The following CACNA1C variants were observed in gnomAD, a reference collection of about 807,000 sequenced individuals.
The protein encoded by CACNA1C is voltage-dependent L-type calcium channel subunit alpha-1C.
CACNA1C carries 30 observed loss-of-function variants against 229.0 expected under a neutral mutation model. That is an observed-to-expected ratio of 0.13 (90% CI 0.10 to 0.18). CACNA1C has a LOEUF of 0.18. Ranked by LOEUF, CACNA1C falls within the 10% of genes least tolerant of loss-of-function variation. The probability of loss-of-function intolerance (pLI) is 1.00; values close to 1 mark genes in which losing one functional copy is unlikely to be tolerated. For missense variants in CACNA1C, 1,658 were observed against 2,845.0 expected (o/e 0.58, Z 9.49); for synonymous variants, 1,114 against 1,132.5 (o/e 0.98, Z 0.33).
chr12:2,670,356 A>G (rs144876962), intron 38 of CACNA1C, among the ~76,000 whole-genome samples: 114 of 152,312 alleles, frequency 7.5e-4, no homozygotes, highest in African/African-American at 2.7e-3. Context: ...TGACATGAGT[A>G]TGAGCCATTT....
At chr12:2,102,799 G>T (rs1474470581) in intron 1 of CACNA1C, among the ~76,000 whole-genome samples, 2 of 152,120 alleles carry the variant, frequency 1.3e-5, no homozygotes, top group African/African-American at 4.8e-5. Context: ...TGTTCTCATT[G>T]TTCAACTGGC....
chr12:2,581,372 C>G (rs2153223443), intron 13 of CACNA1C, among the ~76,000 whole-genome samples: 1 of 152,278 alleles, frequency 6.6e-6, no homozygotes, highest in East Asian at 1.9e-4. Flanking sequence ...CCACTGTCCC[C>G]CTCTCTTCCC....
At chr12:2,293,533 A>T (rs376597546) in intron 3 of CACNA1C, among the ~76,000 whole-genome samples, 33 of 152,218 alleles carry the variant, frequency 2.2e-4, no homozygotes, top group African/African-American at 7.7e-4. Flanking sequence ...ACACAAATGC[A>T]TAAACTTTCA....
At chr12:2,281,883 C>G (rs1274668426) in intron 3 of CACNA1C, among the ~76,000 whole-genome samples, 4 of 151,986 alleles carry the variant, frequency 2.6e-5, no homozygotes, top group Admixed American at 2.6e-4. Flanking sequence ...GCTTCTCCCC[C>G]CATTCCTGTG....
intron 9 of CACNA1C, among the ~76,000 whole-genome samples, chr12:2,518,656 G>A (rs559887120): frequency 2.0e-5 from 3 of 151,720 alleles, no homozygotes; most frequent in Non-Finnish European, 2.9e-5. Context: ...TAGATCTCTC[G>A]ATACCTACAA....
chr12:2,049,981 A>G (rs2051838526), upstream of CACNA1C, among the ~76,000 whole-genome samples: 1 of 152,244 alleles, frequency 6.6e-6, no homozygotes, highest in South Asian at 2.1e-4. Flanking sequence ...AAGAGAAGTG[A>G]AAAATGAAAC....
At chr12:2,478,663 A>G (rs988279512) in intron 5 of CACNA1C, among the ~76,000 whole-genome samples, 1 of 152,162 alleles carries the variant, frequency 6.6e-6, no homozygotes, top group Non-Finnish European at 1.5e-5. Context: ...ACTTTATGGG[A>G]TAGGTAAACG....
chr12:2,516,136 T>G (rs2099796317), intron 9 of CACNA1C, among the ~76,000 whole-genome samples: 1 of 152,056 alleles, frequency 6.6e-6, no homozygotes, highest in African/African-American at 2.4e-5. Context: ...GAGGCAGCAT[T>G]GGAATAAAGA....
chr12:2,490,735 C>T (rs1361717885), intron 6 of CACNA1C, among the ~76,000 whole-genome samples: 2 of 152,226 alleles, frequency 1.3e-5, no homozygotes, highest in African/African-American at 4.8e-5. Flanking sequence ...AAAGATTTCA[C>T]ATTTTTAAAA....
At position 2,453,314 on chromosome 12, in the gene CACNA1C, C is replaced by T. The variant is rs543832265; in HGVS notation, c.617+4199C>T. On this transcript the variant is annotated intron_variant, in intron 4 of 46. Coordinates refer to ENST00000399655, the MANE Select transcript of CACNA1C (RefSeq NM_000719.7). ...CAGCTGCAGCTTCCCATTTCTAGATCCAGATACCTGGGGCATAAGTCACTT... is the reference window on the plus strand; with the variant it reads ...CAGCTGCAGCTTCCCATTTCTAGATTCAGATACCTGGGGCATAAGTCACTT... Among the ~76,000 whole-genome samples, 9 of 152,262 alleles carry T rather than the reference C, an allele frequency of 5.9e-5. No individual in the cohort carries two copies. In the South Asian group the frequency reaches 1.7e-3, roughly 28 times the overall value.
At position 2,585,573 on chromosome 12, in the gene CACNA1C, C is replaced by T; in HGVS notation, c.2460+77C>T. 1 of 1,447,578 alleles carries T rather than the reference C, an allele frequency of 6.9e-7. No homozygotes were observed. The highest frequency in any genetic ancestry group is 9.2e-7 in the Non-Finnish European group (1 of 1,086,774). The allele number at this position is 1,447,578 out of a possible 1,614,324, so 89.7% of individuals were successfully genotyped here. On this transcript the variant is annotated intron_variant, in intron 17 of 46. Coordinates refer to ENST00000399655, the MANE Select transcript of CACNA1C (RefSeq NM_000719.7). The surrounding 1 kb of genome is among the most constrained non-coding windows in gnomAD (Gnocchi z 4.1). ...GGCCACAGCCTTCCCAGGCCAGAAC[C>T]CTGTGGAGAAGAGGAGAGAAAGAAA...
At chr12:2,372,755 C>T (rs1394920373) in intron 3 of CACNA1C, among the ~76,000 whole-genome samples, 1 of 152,238 alleles carries the variant, frequency 6.6e-6, no homozygotes, top group Non-Finnish European at 1.5e-5. Context: ...TTAGCCTGCC[C>T]CCTGGCATGT....
At chr12:2,453,181 G>A (rs990932879) in intron 4 of CACNA1C, among the ~76,000 whole-genome samples, 1 of 152,100 alleles carries the variant, frequency 6.6e-6, no homozygotes, top group Non-Finnish European at 1.5e-5. Flanking sequence ...CGCCAGTCAC[G>A]CAGCCAGTCT....
chr12:2,016,076 G>A (rs1460752580), intron 1 of CACNA1C, among the ~76,000 whole-genome samples: 1 of 152,228 alleles, frequency 6.6e-6, no homozygotes, highest in Admixed American at 6.5e-5. Context: ...CCAATTCAGT[G>A]GGAAATGGGG....
intron 1 of CACNA1C, among the ~76,000 whole-genome samples, chr12:1,984,360 T>A (rs766181296): frequency 2.0e-5 from 3 of 152,120 alleles, no homozygotes; most frequent in Non-Finnish European, 4.4e-5. Flanking sequence ...AGTATTCTAT[T>A]TTATCTCTTG....
At chr12:2,019,902 CTT>C (rs2046140127) in intron 1 of CACNA1C, 1 of 152,132 alleles carries the variant, frequency 6.6e-6, no homozygotes, top group African/African-American at 2.4e-5. Context: ...TGTTAAATTT[CTT>C]TTTATGTTTC....
intron 3 of CACNA1C, among the ~76,000 whole-genome samples, chr12:2,328,828 T>C (rs2096435400): frequency 1.3e-5 from 2 of 152,220 alleles, no homozygotes; most frequent in African/African-American, 4.8e-5. Flanking sequence ...CATTGATCAA[T>C]TGCAACATTC....
At chr12:2,177,660 T>G (rs1247699790) in intron 3 of CACNA1C, among the ~76,000 whole-genome samples, 1 of 131,282 alleles carries the variant, frequency 7.6e-6, no homozygotes, top group Non-Finnish European at 1.7e-5. Context: ...TTCTTTTTCT[T>G]TCTTCTCGCT....
At chr12:2,254,445 A>G (rs1265119135) in intron 3 of CACNA1C, among the ~76,000 whole-genome samples, 5 of 151,966 alleles carry the variant, frequency 3.3e-5, no homozygotes, top group Non-Finnish European at 7.4e-5. Flanking sequence ...GTAACCCTGT[A>G]TTTTCTGTTT....
Sources: gnomAD v4.1 joint callset for allele counts (sites outside exome capture counted in the v4.1 genomes callset) on GRCh38, gnomAD v4.1.1 for gene constraint, Gnocchi (gnomAD v3.1) non-coding constraint, MANE v1.5 for transcripts, NCBI Gene and HGNC (gene_info 2026-07-23, HGNC 2026-07-21) for gene names.